CSMD3: variants seen among roughly 807,000 people sequenced by gnomAD.
CSMD3 encodes CUB and Sushi multiple domains 3.
CSMD3 carries 177 observed loss-of-function variants against 435.2 expected under a neutral mutation model. The observed-to-expected ratio is 0.41, with a 90% CI of 0.36 to 0.46. CSMD3 has a LOEUF of 0.46. Ranked by LOEUF, CSMD3 falls within the 20% of genes least tolerant of loss-of-function variation. The probability of loss-of-function intolerance (pLI) is 0.34; values close to 1 mark genes in which losing one functional copy is unlikely to be tolerated. For missense variants in CSMD3, 4,265 were observed against 4,504.6 expected (o/e 0.95, Z 1.52); for synonymous variants, 1,656 against 1,520.5 (o/e 1.09, Z -2.07).
intron 13 of CSMD3, among the ~76,000 whole-genome samples, chr8:112,789,177 T>C (rs2132280680): frequency 6.6e-6 from 1 of 152,104 alleles, no homozygotes; most frequent in African/African-American, 2.4e-5. Flanking sequence ...CATCAGACAA[T>C]AAGGTATCAA....
At position 113,105,795 on chromosome 8, in the gene CSMD3, A is replaced by G. The variant is rs561677361; in HGVS notation, c.710-6832T>C. On this transcript the variant is annotated intron_variant, in intron 4 of 70. Coordinates refer to ENST00000297405, the MANE Select transcript of CSMD3 (RefSeq NM_198123.2). Reference sequence around the variant, plus strand: ...TGAACCAAAAGTAATTTTAATACATACATACTAGAAGAAAGCTCAAGATTC... The same window carrying G: ...TGAACCAAAAGTAATTTTAATACATGCATACTAGAAGAAAGCTCAAGATTC... 8.5e-5 allele frequency among the ~76,000 whole-genome samples: 13 copies of G among 152,300 alleles called. No homozygotes were observed. In the South Asian group the frequency reaches 2.5e-3, roughly 29 times the overall value.
At chr8:113,351,604 A>T (rs1351456314) in intron 1 of CSMD3, among the ~76,000 whole-genome samples, 1 of 152,134 alleles carries the variant, frequency 6.6e-6, no homozygotes, top group African/African-American at 2.4e-5. Context: ...TTAGTCCTGA[A>T]ATTGAATGTA....
intron 13 of CSMD3, among the ~76,000 whole-genome samples, chr8:112,698,710 T>C (rs1269714959): frequency 6.6e-6 from 1 of 152,092 alleles, no homozygotes; most frequent in Non-Finnish European, 1.5e-5. Context: ...TTGAATAAAA[T>C]TTAAATGCAT....
chr8:112,978,188 CAT>C (rs980121126), intron 6 of CSMD3, among the ~76,000 whole-genome samples: 49 of 152,026 alleles, frequency 3.2e-4, no homozygotes, highest in African/African-American at 1.1e-3. Flanking sequence ...TAACTATAAA[CAT>C]ATGTTGGTAA....
In CSMD3 at chr8:112,440,405, GACTTGGT is replaced by G. The variant is rs757421436; in HGVS notation, c.5396-31380_5396-31374del. Among the ~76,000 whole-genome samples, 594 of 152,242 alleles carry G rather than the reference GACTTGGT, an allele frequency of 3.9e-3. 5 individuals carry two copies. The highest frequency in any genetic ancestry group is 7.1e-3 in the Non-Finnish European group (481 of 68,010). On this transcript the variant is annotated intron_variant, in intron 32 of 70. Transcript: ENST00000297405. ...AGCCACCCCTCCTGGCTGCTTTCAT[GACTTGGT>G]GTTGAGTGTCCATGGCTTCTCCAGG...
chr8:113,285,966 G>A (rs1230015480), intron 2 of CSMD3, among the ~76,000 whole-genome samples: 1 of 151,772 alleles, frequency 6.6e-6, no homozygotes. Flanking sequence ...ACCAGGACTT[G>A]TCTATGGCAA....
intron 55 of CSMD3, 111 bp from the exon 56 acceptor site, chr8:112,291,806 A>G: frequency 1.4e-6 from 1 of 705,796 alleles, no homozygotes; most frequent in Non-Finnish European, 2.4e-6. Flanking sequence ...TTATTCAAAC[A>G]ACCAGATTCC....
At chr8:112,920,106 G>C (rs2082690955) in intron 10 of CSMD3, among the ~76,000 whole-genome samples, 1 of 151,722 alleles carries the variant, frequency 6.6e-6, no homozygotes, top group South Asian at 2.1e-4. Context: ...GACATGATGA[G>C]GTATTCATTT....
At chr8:112,614,831 G>C (rs185385380) in intron 22 of CSMD3, among the ~76,000 whole-genome samples, 1 of 152,014 alleles carries the variant, frequency 6.6e-6, no homozygotes, top group African/African-American at 2.4e-5. Context: ...TTAAAAAGTA[G>C]TTTAGTACAT....
chr8:112,583,012 T>G (rs1219123024), intron 23 of CSMD3, among the ~76,000 whole-genome samples: 2 of 152,018 alleles, frequency 1.3e-5, no homozygotes, highest in African/African-American at 4.8e-5. Context: ...TGTTATTCTG[T>G]TATAACAGCT....
intron 67 of CSMD3, among the ~76,000 whole-genome samples, chr8:112,235,453 G>T (rs898852100): frequency 6.6e-6 from 1 of 152,006 alleles, no homozygotes; most frequent in Admixed American, 6.6e-5. Context: ...ATTTGAACTG[G>T]TTCTTAAAAA....
chr8:113,176,733 G>A (rs1021169097), intron 3 of CSMD3, among the ~76,000 whole-genome samples: 1 of 151,392 alleles, frequency 6.6e-6, no homozygotes, highest in Non-Finnish European at 1.5e-5. Flanking sequence ...ACAGGGAGGG[G>A]AACAACAACA....
At chr8:113,114,342 AC>A (rs1183397420) in intron 4 of CSMD3, among the ~76,000 whole-genome samples, 2 of 152,176 alleles carry the variant, frequency 1.3e-5, no homozygotes, top group African/African-American at 4.8e-5. Flanking sequence ...GAAATGTTAA[AC>A]AAAGACAAAT....
chr8:113,341,402 A>T (rs2094117853), intron 1 of CSMD3, among the ~76,000 whole-genome samples: 1 of 152,202 alleles, frequency 6.6e-6, no homozygotes, highest in African/African-American at 2.4e-5. Flanking sequence ...AGCTGAAATA[A>T]TCATTCAGGC....
chr8:112,382,468 A>T (rs1829561799), intron 37 of CSMD3, among the ~76,000 whole-genome samples: 1 of 152,052 alleles, frequency 6.6e-6, no homozygotes, highest in African/African-American at 2.4e-5. Context: ...CTCATTGGTG[A>T]TGATAAGTAA....
chr8:113,096,061 T>G (rs1184426904), intron 5 of CSMD3, among the ~76,000 whole-genome samples: 6 of 152,152 alleles, frequency 3.9e-5, no homozygotes, highest in Non-Finnish European at 5.9e-5. Context: ...TAATAATCAC[T>G]TCAACTGGTA....
chr8:112,534,710 A>G (rs1355803775), intron 27 of CSMD3, among the ~76,000 whole-genome samples: 1 of 151,908 alleles, frequency 6.6e-6, no homozygotes, highest in Non-Finnish European at 1.5e-5. Flanking sequence ...TACCAAAGCC[A>G]GGCAGAGACA....
intron 6 of CSMD3, among the ~76,000 whole-genome samples, chr8:112,982,947 C>A (rs751841160): frequency 1.1e-4 from 16 of 151,864 alleles, no homozygotes; most frequent in Non-Finnish European, 2.1e-4. Flanking sequence ...TTTTATATTT[C>A]ATGTGCTAGA....
At position 112,829,763 on chromosome 8, in the gene CSMD3, A is replaced by T; in HGVS notation, c.1782T>A (p.Phe594Leu). Residue 594 changes from phenylalanine to leucine, a missense_variant, in exon 12 of 71, where the codon TTT (phenylalanine) becomes TTA (leucine). Phe to Leu is a conservative substitution (Grantham distance 22, BLOSUM62 0). Coordinates refer to ENST00000297405, the MANE Select transcript of CSMD3 (RefSeq NM_198123.2). ...AGGTATCATAGCCAATCTCCAGATC[A>T]AATTCTTCAAAATTTATCTGGATAA... Reference protein sequence around the residue: ...NKVIQINFEEFDLEIGYDTLT... With the variant: ...NKVIQINFEELDLEIGYDTLT... 1 of 1,610,348 alleles carries T rather than the reference A, an allele frequency of 6.2e-7. No homozygotes were observed. Among genetic ancestry groups the T allele is most frequent in the Non-Finnish European group, 8.5e-7 (1 of 1,176,718 alleles).
Sources: gnomAD v4.1 joint callset for allele counts (sites outside exome capture counted in the v4.1 genomes callset) on GRCh38, gnomAD v4.1.1 for gene constraint, MANE v1.5 for transcripts, NCBI Gene and HGNC (gene_info 2026-07-23, HGNC 2026-07-21) for gene names.